Variants in IL1RAPL1 observed in about 807,000 individuals in gnomAD.
IL1RAPL1 encodes the protein interleukin 1 receptor accessory protein like 1.
Under a neutral mutation model 48.4 loss-of-function variants are expected in IL1RAPL1, and 3 were observed. The ratio of observed to expected loss-of-function variants is 0.06; its 90% confidence interval spans 0.03 to 0.16. The LOEUF (loss-of-function observed/expected upper bound fraction) is 0.16. Ranked by LOEUF, IL1RAPL1 falls within the 10% of genes least tolerant of loss-of-function variation. The pLI, the probability that IL1RAPL1 is intolerant of heterozygous loss-of-function variation, is 1.00. For synonymous variants in IL1RAPL1, 185 were observed against 187.7 expected (o/e 0.99, Z 0.12); for missense variants, 349 against 530.6 (o/e 0.66, Z 3.36).
intron 5 of IL1RAPL1, among the ~76,000 whole-genome samples, chrX:29,572,420 G>T (rs1417103541): frequency 8.9e-6 from 1 of 112,434 alleles, no homozygotes; most frequent in African/African-American, 3.2e-5. Context: ...GATACAGAAT[G>T]AATAGCACTG....
chrX:29,940,223 T>C (rs958202306), intron 8 of IL1RAPL1, among the ~76,000 whole-genome samples: 2 of 110,822 alleles, frequency 1.8e-5, no homozygotes, highest in Non-Finnish European at 3.8e-5. Flanking sequence ...CACACACACA[T>C]ACACAATGTT....
At chrX:29,347,781 A>C (rs781364271) in intron 3 of IL1RAPL1, among the ~76,000 whole-genome samples, 1 of 111,481 alleles carries the variant, frequency 9.0e-6, no homozygotes, top group African/African-American at 3.3e-5. Flanking sequence ...CAGCATAACT[A>C]TTCTTGCATT....
chrX:29,824,575 G>A (rs751310866), intron 6 of IL1RAPL1, among the ~76,000 whole-genome samples: 2 of 112,381 alleles, frequency 1.8e-5, no homozygotes, highest in Admixed American at 9.4e-5. Context: ...AAAGGCTGGC[G>A]TTTAGTCAGC....
rs144585205 is a variant in IL1RAPL1 at position 29,285,014 on chromosome X, C to T, written c.362+1797C>T. Reference sequence around the variant, plus strand: ...ATTATTTCTGATTGTTCATGCATGTCGTAAGGTGATTCTTCAAGATAGGCA... The same window carrying T: ...ATTATTTCTGATTGTTCATGCATGTTGTAAGGTGATTCTTCAAGATAGGCA... On this transcript the variant is annotated intron_variant, in intron 3 of 10. Coordinates refer to ENST00000378993, the MANE Select transcript of IL1RAPL1 (RefSeq NM_014271.4). 1.2e-3 allele frequency among the ~76,000 whole-genome samples: 132 copies of T among 111,312 alleles called. 2 individuals are homozygous for T. In the East Asian group the frequency reaches 0.035, roughly 29 times the overall value.
intron 2 of IL1RAPL1, among the ~76,000 whole-genome samples, chrX:28,877,782 A>G (rs1262702928): frequency 8.9e-6 from 1 of 111,775 alleles, no homozygotes; most frequent in Non-Finnish European, 1.9e-5. Context: ...TCTTCAAAGT[A>G]CCTTTACTTC....
At chrX:29,637,742 G>A (rs184301092) in intron 5 of IL1RAPL1, among the ~76,000 whole-genome samples, 32 of 111,435 alleles carry the variant, frequency 2.9e-4, no homozygotes, top group Admixed American at 2.7e-3. Flanking sequence ...AATTGAAAAA[G>A]CAGTATCTCA....
chrX:29,875,301 C>A (rs111911309), intron 6 of IL1RAPL1, among the ~76,000 whole-genome samples: 9,307 of 111,142 alleles, frequency 0.084, 964 homozygotes, highest in African/African-American at 0.29. Context: ...TTGTAAAAGC[C>A]TACATTGAGG....
At chrX:29,402,879 G>A (rs1983591) in intron 5 of IL1RAPL1, among the ~76,000 whole-genome samples, 43,481 of 109,634 alleles carry the variant, frequency 0.4, 6,798 homozygotes, top group Middle Eastern at 0.56. Context: ...TCATGATTAG[G>A]TGAGGGTTAT....
chrX:28,744,957 G>A (rs1443992630), intron 1 of IL1RAPL1, among the ~76,000 whole-genome samples: 1 of 110,892 alleles, frequency 9.0e-6, no homozygotes, highest in African/African-American at 3.3e-5. Flanking sequence ...ATTAAACCTG[G>A]ATGCTTCTTG....
intron 2 of IL1RAPL1, among the ~76,000 whole-genome samples, chrX:29,162,939 G>C (rs1192589202): frequency 4.6e-5 from 5 of 109,815 alleles, no homozygotes. Context: ...CAGGCATGGT[G>C]GTGGGCGCCT....
chrX:29,939,191 C>G (rs1216802138), intron 8 of IL1RAPL1, among the ~76,000 whole-genome samples: 1 of 111,932 alleles, frequency 8.9e-6, no homozygotes, highest in African/African-American at 3.2e-5. Context: ...ACTGGGTACT[C>G]TCACTAGCAA....
chrX:29,727,435 T>C (rs960564035), intron 6 of IL1RAPL1, among the ~76,000 whole-genome samples: 2 of 112,080 alleles, frequency 1.8e-5, no homozygotes, highest in African/African-American at 3.2e-5. Context: ...ACTTGGAGGA[T>C]TTAGCAAAAG....
At position 29,853,205 on chromosome X, in the gene IL1RAPL1, A is replaced by C. The variant is rs763332782; in HGVS notation, c.779-64259A>C. 2.8e-5 allele frequency among the ~76,000 whole-genome samples: 3 copies of C among 109,000 alleles called. No individual in the cohort carries two copies. The Admixed American group carries it at 3.0e-4, about 11-fold the overall frequency. The allele number at this position is 109,000 out of a possible 115,157, so 94.7% of individuals were successfully genotyped here. A position where few individuals can be genotyped will look rare whatever the true frequency, so the allele number is the denominator to read the frequency against. ...TATTATGGCTTTAAAAAAAAAAAAA[A>C]AAAACACGGCCAGGTGCAGTGGCTC... On this transcript the variant is annotated intron_variant, in intron 6 of 10. Transcript: ENST00000378993.
At chrX:29,843,791 C>G (rs950952) in intron 6 of IL1RAPL1, among the ~76,000 whole-genome samples, 13,491 of 107,827 alleles carry the variant, frequency 0.13, 1,692 homozygotes, top group African/African-American at 0.34. Context: ...CTCTCTCTCT[C>G]TGTGTGTCTC....
At chrX:28,946,344 G>GA (rs1320731193) in intron 2 of IL1RAPL1, among the ~76,000 whole-genome samples, 8 of 109,979 alleles carry the variant, frequency 7.3e-5, no homozygotes, top group Non-Finnish European at 1.5e-4. Flanking sequence ...AGCAATAGGG[G>GA]TAGTATTTTA....
chrX:28,707,161 C>T (rs1935384261), intron 1 of IL1RAPL1, among the ~76,000 whole-genome samples: 1 of 112,039 alleles, frequency 8.9e-6, no homozygotes, highest in Non-Finnish European at 1.9e-5. Flanking sequence ...TTACTTCGAA[C>T]GCCTGTGAAT....
intron 2 of IL1RAPL1, among the ~76,000 whole-genome samples, chrX:29,103,713 A>T (rs1426666054): frequency 8.9e-6 from 1 of 111,854 alleles, no homozygotes; most frequent in East Asian, 2.8e-4. Context: ...AATATTAGCC[A>T]ACTATCCATG....
At chrX:29,120,511 G>C (rs1352595799) in intron 2 of IL1RAPL1, among the ~76,000 whole-genome samples, 1 of 111,503 alleles carries the variant, frequency 9.0e-6, no homozygotes, top group East Asian at 2.8e-4. Context: ...GTTGGGTTTT[G>C]TACTGGTACC....
chrX:29,367,606 A>C (rs953445000), intron 3 of IL1RAPL1, among the ~76,000 whole-genome samples: 1 of 105,588 alleles, frequency 9.5e-6, no homozygotes, highest in African/African-American at 3.4e-5. Context: ...ATTGAGATGA[A>C]GTTTCGCTCT....
Sources: gnomAD v4.1 joint callset for allele counts (sites outside exome capture counted in the v4.1 genomes callset) on GRCh38, gnomAD v4.1.1 for gene constraint, MANE v1.5 for transcripts, NCBI Gene and HGNC (gene_info 2026-07-23, HGNC 2026-07-21) for gene names.